COL28A1: variants seen among roughly 807,000 people sequenced by gnomAD.
The protein encoded by COL28A1 is collagen type XXVIII alpha 1 chain, also known as collagen alpha-1(XXVIII) chain.
Under a neutral mutation model 150.2 loss-of-function variants are expected in COL28A1, and 161 were observed. The ratio of observed to expected loss-of-function variants is 1.07; its 90% CI spans 0.94 to 1.22. The LOEUF (loss-of-function observed/expected upper bound fraction) is 1.22, where lower values mean the gene tolerates loss of function less well. COL28A1 is among the 50% of genes most tolerant of loss of function. The pLI, the probability that COL28A1 is intolerant of heterozygous loss-of-function variation, is 0.00. For synonymous variants in COL28A1, 552 were observed against 469.7 expected (o/e 1.18, Z -2.26); for missense variants, 1,617 against 1,388.3 (o/e 1.16, Z -2.62).
intron 25 of COL28A1, 48 bp from the exon 26 acceptor site, chr7:7,420,001 A>T (rs767913730): frequency 5.8e-6 from 6 of 1,042,854 alleles, no homozygotes; most frequent in East Asian, 3.3e-5. Context: ...TAAAGACTTT[A>T]TGTTTTTTTC....
At chr7:7,543,777 T>C in the COL28A1 span, among the ~76,000 whole-genome samples, 3 of 151,280 alleles carry the variant, frequency 2.0e-5, no homozygotes, top group African/African-American at 4.8e-5. Flanking sequence ...AAGTTAAATA[T>C]ATAATACAAC....
intron 27 of COL28A1, among the ~76,000 whole-genome samples, chr7:7,382,213 G>A (rs1489332468): frequency 6.6e-6 from 1 of 151,914 alleles, no homozygotes; most frequent in African/African-American, 2.4e-5. Flanking sequence ...AGGCGGGTGA[G>A]GCAGAAGAAT....
chr7:7,443,723 T>C (rs1389291966), intron 19 of COL28A1, 70 bp from the exon 20 acceptor site: 1 of 1,584,950 alleles, frequency 6.3e-7, no homozygotes, highest in African/African-American at 1.4e-5. Flanking sequence ...TCCCACCTTG[T>C]CTCCTTTTAT....
chr7:7,464,530 C>T (rs1281593923), intron 15 of COL28A1, among the ~76,000 whole-genome samples: 1 of 152,160 alleles, frequency 6.6e-6, no homozygotes, highest in East Asian at 1.9e-4. Context: ...CATGCAAATA[C>T]ATGGAAATTA....
In COL28A1 at chr7:7,531,375, G is replaced by C. The variant is rs776237318; in HGVS notation, c.654C>G (p.Thr218=). Reference sequence around the variant, plus strand: ...GACGATCTTGAATTTTATCTACAAGGGTTGGATCACTCAACAGTAAAGTGG... The same window carrying C: ...GACGATCTTGAATTTTATCTACAAGCGTTGGATCACTCAACAGTAAAGTGG... ...SEPTLLLSDP[T]LVDKIQDRLD... The change falls in exon 3 of 35, where the codon ACC becomes ACG. Residue 218 remains threonine (T), a synonymous_variant. Transcript: ENST00000399429. The C allele has an allele frequency of 1.3e-6, 2 of 1,563,296 alleles. No homozygotes were observed. The highest frequency in any genetic ancestry group is 3.5e-5 in the Admixed American group (2 of 57,124).
chr7:7,363,314 A>G (rs1452391231), intron 33 of COL28A1, among the ~76,000 whole-genome samples: 1 of 152,164 alleles, frequency 6.6e-6, no homozygotes, highest in East Asian at 1.9e-4. Flanking sequence ...ACCTCTTCTA[A>G]GCTTAGGAAT....
At chr7:7,375,836 G>A (rs556141974) in intron 30 of COL28A1, among the ~76,000 whole-genome samples, 1 of 152,218 alleles carries the variant, frequency 6.6e-6, no homozygotes, top group South Asian at 2.1e-4. Flanking sequence ...TTAGCACAGG[G>A]TCTGGCAACT....
intron 30 of COL28A1, among the ~76,000 whole-genome samples, chr7:7,377,492 G>A (rs942521867): frequency 2.0e-5 from 3 of 152,182 alleles, no homozygotes; most frequent in African/African-American, 4.8e-5. Context: ...GTGGTCCAAG[G>A]AGGCAGACTC....
chr7:7,540,715 G>A (rs1239855787), upstream of COL28A1, among the ~76,000 whole-genome samples: 1 of 152,188 alleles, frequency 6.6e-6, no homozygotes, highest in African/African-American at 2.4e-5. Context: ...AGTGGCAAAT[G>A]GCTCAGAACA....
At chr7:7,371,027 AT>A (rs1256792402) in intron 32 of COL28A1, 145 bp from the exon 33 acceptor site, 9 of 613,294 alleles carry the variant, frequency 1.5e-5, no homozygotes, top group Non-Finnish European at 2.5e-5. Flanking sequence ...TTATAAAAGC[AT>A]TTTTACATCC....
At chr7:7,407,964 A>G (rs971120536) in intron 27 of COL28A1, among the ~76,000 whole-genome samples, 18 of 152,170 alleles carry the variant, frequency 1.2e-4, no homozygotes, top group African/African-American at 3.9e-4. Flanking sequence ...TAAGGCCAAA[A>G]GCATTACTAA....
At chr7:7,431,748 G>A (rs907298721) in intron 25 of COL28A1, 2 of 372,346 alleles carry the variant, frequency 5.4e-6, no homozygotes, top group African/African-American at 2.1e-5. Context: ...GGAGGACAGA[G>A]GTGGAACAGA....
chr7:7,448,626 T>A (rs1343685118), intron 18 of COL28A1, among the ~76,000 whole-genome samples: 1 of 151,450 alleles, frequency 6.6e-6, no homozygotes, highest in Admixed American at 6.6e-5. Flanking sequence ...AACATTTTAT[T>A]TATGATAAAA....
intron 32 of COL28A1, among the ~76,000 whole-genome samples, chr7:7,371,906 C>A (rs774742160): frequency 2.6e-5 from 4 of 152,062 alleles, no homozygotes; most frequent in Non-Finnish European, 5.9e-5. Flanking sequence ...AATCTCGGCT[C>A]ACTGTAACCT....
chr7:7,372,541 C>T (rs952951267), intron 32 of COL28A1, among the ~76,000 whole-genome samples: 1 of 152,140 alleles, frequency 6.6e-6, no homozygotes, highest in Non-Finnish European at 1.5e-5. Flanking sequence ...TAATTAATCC[C>T]AGTTACTTGC....
intron 19 of COL28A1, among the ~76,000 whole-genome samples, chr7:7,443,986 G>GTTTTTTTTTTTTTTTT (rs71010980): frequency 3.1e-5 from 3 of 95,544 alleles, no homozygotes; most frequent in Admixed American, 1.2e-4. Context: ...TCCATCTGCT[G>GTTTTTTTTTTTTTTTT]TTTTTTTTTT....
At chr7:7,521,990 C>A in intron 4 of COL28A1, 29 bp from the exon 5 acceptor site, 1 of 887,134 alleles carries the variant, frequency 1.1e-6, no homozygotes, top group Non-Finnish European at 1.9e-6. Context: ...ATGATATTAA[C>A]ACACAGTGAA....
the COL28A1 span, among the ~76,000 whole-genome samples, chr7:7,346,293 T>G: frequency 2.6e-5 from 4 of 152,046 alleles, no homozygotes; most frequent in Non-Finnish European, 1.5e-5. Flanking sequence ...TTAGTTGTTT[T>G]CAGCATAAGG....
intron 11 of COL28A1, among the ~76,000 whole-genome samples, chr7:7,504,911 A>AT (rs1452095404): frequency 1.3e-5 from 2 of 152,148 alleles, no homozygotes; most frequent in East Asian, 3.8e-4. Context: ...CAAAATATAT[A>AT]TTTTTTTCTT....
Sources: allele counts gnomAD v4.1 joint callset (sites outside exome capture counted in the v4.1 genomes callset), GRCh38; gene constraint gnomAD v4.1.1; transcripts MANE v1.5; gene names NCBI Gene and HGNC (gene_info 2026-07-23, HGNC 2026-07-21).